YEATS2: variants seen among roughly 807,000 people sequenced by gnomAD.
YEATS2 encodes YEATS domain containing 2, also known as YEATS domain-containing protein 2.
In YEATS2, 77 loss-of-function variants were observed where a neutral mutation model predicts 163.2. The ratio of observed to expected loss-of-function variants is 0.47; its 90% CI spans 0.39 to 0.57. The LOEUF (loss-of-function observed/expected upper bound fraction) is 0.57. YEATS2 is among the 20% of genes least tolerant of loss of function. The pLI is 0.00. For synonymous variants in YEATS2, 631 were observed against 645.1 expected (o/e 0.98, Z 0.33); for missense variants, 1,549 against 1,729.8 (o/e 0.90, Z 1.85).
intron 17 of YEATS2, among the ~76,000 whole-genome samples, chr3:183,775,000 T>C (rs1217394560): frequency 6.6e-6 from 1 of 152,046 alleles, no homozygotes; most frequent in Non-Finnish European, 1.5e-5. Flanking sequence ...GGAATGAAGG[T>C]GGAGAAGGAA....
intron 9 of YEATS2, among the ~76,000 whole-genome samples, chr3:183,749,556 CT>C (rs1413611395): frequency 2.6e-5 from 4 of 152,148 alleles, no homozygotes; most frequent in Non-Finnish European, 5.9e-5. Context: ...TTGGGATTGC[CT>C]TATTTCGCTT....
intron 27 of YEATS2, chr3:183,806,063 C>G (rs1726164615): frequency 5.7e-6 from 2 of 348,994 alleles, no homozygotes; most frequent in African/African-American, 4.3e-5. Flanking sequence ...ATGGTTTGAC[C>G]TGTGATTTGA....
At chr3:183,704,671 C>T (rs1362570836) in intron 1 of YEATS2, among the ~76,000 whole-genome samples, 2 of 151,898 alleles carry the variant, frequency 1.3e-5, no homozygotes, top group Non-Finnish European at 2.9e-5. Context: ...ACTCTGTTGC[C>T]CAGGCTGGAG....
At chr3:183,790,315 T>C (rs185738268) in intron 20 of YEATS2, among the ~76,000 whole-genome samples, 13 of 152,214 alleles carry the variant, frequency 8.5e-5, no homozygotes, top group Non-Finnish European at 1.8e-4. Flanking sequence ...GACTGTTTCC[T>C]TGGTCGCTTT....
Position 183,800,553 on chromosome 3 carries a change from GA to G in YEATS2, c.3416del (p.Asn1139ThrfsTer6), listed in dbSNP as rs1725572619. ...AAAACAGAAGAAAGTTCTGAGCTGGGAAACTATGTCATTAAGTAATTCTTCC... is the reference window on the plus strand; with the variant it reads ...AAAACAGAAGAAAGTTCTGAGCTGGGAACTATGTCATTAAGTAATTCTTCC... ...AVKTEESSEL[G>X]NYVIKIDHLE... is the part of the protein sequence containing the mutation. On this transcript the variant is annotated frameshift_variant, in exon 24 of 31. Transcript: ENST00000305135. LOFTEE classifies it high-confidence loss of function. 1.2e-6 allele frequency: 2 copies of G among 1,613,772 alleles called. No homozygotes were observed. The highest frequency in any genetic ancestry group is 2.7e-5 in the African/African-American group (2 of 74,920).
At chr3:183,809,676 T>C (rs937110964) in intron 30 of YEATS2, among the ~76,000 whole-genome samples, 1 of 152,202 alleles carries the variant, frequency 6.6e-6, no homozygotes, top group African/African-American at 2.4e-5. Flanking sequence ...TCGCCACTGC[T>C]CTTTGCTGAC....
chr3:183,732,861 TTTTG>T lies in YEATS2; in HGVS notation c.813-3853_813-3850del, dbSNP rs1376709669. Among the ~76,000 whole-genome samples the T allele has an allele frequency of 3.9e-5, 6 of 152,070 alleles. No individual in the cohort carries two copies. The South Asian group carries it at 1.2e-3, about 32-fold the overall frequency. On this transcript the variant is annotated intron_variant, in intron 7 of 30. Coordinates refer to ENST00000305135, the MANE Select transcript of YEATS2 (RefSeq NM_018023.5). The stretch of plus-strand genomic sequence containing the variant: ...GGCGTGAGCCACTGCACCCGGCCAA[TTTTG>T]TTTATTTTTTTAGAGATAAGAGTCT...
chr3:183,762,313 G>A, intron 15 of YEATS2, 34 bp downstream of exon 15: 1 of 1,512,270 alleles, frequency 6.6e-7, no homozygotes, highest in Non-Finnish European at 8.8e-7. Context: ...AATTTCACAT[G>A]TAAATGATGT....
intron 16 of YEATS2, 58 bp from the exon 17 acceptor site, chr3:183,773,575 T>C: frequency 2.0e-6 from 3 of 1,478,976 alleles, no homozygotes; most frequent in Non-Finnish European, 2.7e-6. Flanking sequence ...ATTTTAATTT[T>C]AGAGTGTTGC....
chr3:183,750,024 CTG>C (rs1161607034), intron 9 of YEATS2, among the ~76,000 whole-genome samples: 1 of 151,712 alleles, frequency 6.6e-6, no homozygotes, highest in Admixed American at 6.6e-5. Flanking sequence ...CGGGGTTTCA[CTG>C]TGTTAGCCAG....
intron 12 of YEATS2, among the ~76,000 whole-genome samples, chr3:183,757,791 G>A (rs1400283074): frequency 1.3e-5 from 2 of 150,762 alleles, no homozygotes; most frequent in African/African-American, 4.9e-5. Context: ...TTTTGGAAAG[G>A]CTAAATTTTA....
chr3:183,742,177 G>A (rs1719046231), intron 8 of YEATS2, among the ~76,000 whole-genome samples: 1 of 152,032 alleles, frequency 6.6e-6, no homozygotes, highest in African/African-American at 2.4e-5. Context: ...TCAAGCCACT[G>A]CCCTCCAGCT....
chr3:183,797,799 G>A lies in YEATS2; in HGVS notation c.3098-124G>A. On this transcript the variant is annotated intron_variant, in intron 21 of 30. Transcript: ENST00000305135. The stretch of plus-strand genomic sequence containing the variant: ...TGTTGTCTCCTGCTTCTTGCTCTTT[G>A]TTTACTGGAAGGTTAAATGTCCTGG... 2.4e-6 allele frequency: 3 copies of A among 1,226,442 alleles called. 1 individual carries two copies. Among genetic ancestry groups the A allele is most frequent in the Admixed American group, 4.6e-5 (2 of 43,656 alleles). 76.0% of individuals were successfully genotyped at this position (1,226,442 alleles called of 1,614,324 possible).
chr3:183,717,736 A>G lies in YEATS2; in HGVS notation c.186A>G (p.Glu62=). The G allele has an allele frequency of 6.4e-7, 1 of 1,550,496 alleles. No individual in the cohort carries two copies. Among genetic ancestry groups the G allele is most frequent in the Non-Finnish European group, 8.7e-7 (1 of 1,155,484 alleles). Residue 62 remains glutamate (E), a synonymous_variant, in exon 3 of 31, where the codon GAA becomes GAG. Transcript: ENST00000305135. Reference sequence around the variant, plus strand: ...TGAAGAATAAGGAACATGAAATTGAAGTCATTGACCAGGTATAATGATGAT... The same window carrying G: ...TGAAGAATAAGGAACATGAAATTGAGGTCATTGACCAGGTATAATGATGAT... The part of the protein sequence containing the change: ...LEMKNKEHEI[E]VIDQRLIEAR...
intron 7 of YEATS2, among the ~76,000 whole-genome samples, chr3:183,733,367 G>C (rs908336298): frequency 2.0e-5 from 3 of 152,114 alleles, no homozygotes; most frequent in South Asian, 2.1e-4. Flanking sequence ...ATCCATATTT[G>C]TTTCAGTTGT....
intron 7 of YEATS2, among the ~76,000 whole-genome samples, chr3:183,729,090 G>T (rs909899970): frequency 6.6e-6 from 1 of 152,100 alleles, no homozygotes; most frequent in Non-Finnish European, 1.5e-5. Flanking sequence ...GGCTAACACG[G>T]TGAAACCCGG....
intron 13 of YEATS2, among the ~76,000 whole-genome samples, chr3:183,760,799 T>C (rs999663446): frequency 6.6e-6 from 1 of 152,228 alleles, no homozygotes; most frequent in African/African-American, 2.4e-5. Flanking sequence ...AGAGAGTATA[T>C]ACTGAAACAT....
intron 21 of YEATS2, chr3:183,793,431 C>T (rs1724845017): frequency 9.9e-7 from 1 of 1,007,112 alleles, no homozygotes; most frequent in Non-Finnish European, 1.2e-6. Context: ...TTATTTGAGG[C>T]CCTGTGTTGG....
At chr3:183,748,031 T>C (rs1178422773) in intron 9 of YEATS2, among the ~76,000 whole-genome samples, 1 of 151,980 alleles carries the variant, frequency 6.6e-6, no homozygotes, top group Non-Finnish European at 1.5e-5. Flanking sequence ...GGGAAAAAAT[T>C]AGTGTTAGTT....
Sources: allele counts gnomAD v4.1 joint callset (sites outside exome capture counted in the v4.1 genomes callset), GRCh38; gene constraint gnomAD v4.1.1; transcripts MANE v1.5; gene names NCBI Gene and HGNC (gene_info 2026-07-23, HGNC 2026-07-21).